The following MSI2 variants were observed in gnomAD, a reference collection of about 807,000 sequenced individuals.
MSI2 encodes musashi RNA binding protein 2.
MSI2 carries 17 observed loss-of-function variants against 45.6 expected under a neutral mutation model. The observed-to-expected ratio is 0.37, with a 90% confidence interval of 0.26 to 0.56. MSI2 has a LOEUF of 0.56. Among genes scored for constraint, MSI2 ranks in the 20% least tolerant of loss-of-function variants. The probability of loss-of-function intolerance (pLI) is 0.77; values close to 1 mark genes in which losing one functional copy is unlikely to be tolerated. For missense variants in MSI2, 293 were observed against 444.2 expected (o/e 0.66, Z 3.06); for synonymous variants, 156 against 158.2 (o/e 0.99, Z 0.11).
chr17:57,607,968 C>A (rs1295675790), intron 8 of MSI2, among the ~76,000 whole-genome samples: 1 of 152,202 alleles, frequency 6.6e-6, no homozygotes, highest in East Asian at 1.9e-4. Context: ...GAATCAGAGG[C>A]TTCCCACCAG....
chr17:57,558,205 G>A (rs191979025), intron 7 of MSI2, among the ~76,000 whole-genome samples: 22 of 152,236 alleles, frequency 1.4e-4, no homozygotes, highest in Admixed American at 6.5e-4. Context: ...CGTATTAGGC[G>A]CCTCTGTAAT....
chr17:57,305,535 C>T lies in MSI2; in HGVS notation c.312+43343C>T, dbSNP rs140228786. 4.1e-3 allele frequency among the ~76,000 whole-genome samples: 623 copies of T among 152,318 alleles called. 7 individuals are homozygous for T. Among genetic ancestry groups the T allele is most frequent in the African/African-American group, 0.014 (596 of 41,574 alleles). On this transcript the variant is annotated intron_variant, in intron 5 of 13. Coordinates refer to ENST00000284073, the MANE Select transcript of MSI2 (RefSeq NM_138962.4). ...ACTTGGGCAATGTAGTCAAAACACA[C>T]GCTGATCACTGTGTGTTACTGCTGA...
intron 5 of MSI2, among the ~76,000 whole-genome samples, chr17:57,369,049 A>G (rs2083382818): frequency 6.6e-6 from 1 of 152,132 alleles, no homozygotes; most frequent in African/African-American, 2.4e-5. Context: ...TCTCAGAGTC[A>G]TTTGGTGAGG....
At position 57,506,887 on chromosome 17, in the gene MSI2, G is replaced by C. The variant is rs375335645; in HGVS notation, c.406-22789G>C. ...ATTTCTGACAGCTAGGAAATGCCTGGAAATGGTGTGTATGTTGGGGTCAGG... is the reference window on the plus strand; with the variant it reads ...ATTTCTGACAGCTAGGAAATGCCTGCAAATGGTGTGTATGTTGGGGTCAGG... On this transcript the variant is annotated intron_variant, in intron 6 of 13. Coordinates refer to ENST00000284073, the MANE Select transcript of MSI2 (RefSeq NM_138962.4). Among the ~76,000 whole-genome samples, 66 of 152,260 alleles carry C rather than the reference G, an allele frequency of 4.3e-4. 1 individual carries two copies. The highest frequency in any genetic ancestry group is 1.5e-3 in the African/African-American group (64 of 41,546).
chr17:57,431,858 C>G (rs1434412880), intron 6 of MSI2, among the ~76,000 whole-genome samples: 1 of 152,178 alleles, frequency 6.6e-6, no homozygotes, highest in African/African-American at 2.4e-5. Context: ...TGCACTTGGG[C>G]AAGTCAGCCA....
At chr17:57,398,254 G>C (rs1367140833) in intron 5 of MSI2, among the ~76,000 whole-genome samples, 2 of 152,200 alleles carry the variant, frequency 1.3e-5, no homozygotes, top group Admixed American at 6.5e-5. Flanking sequence ...CAGGGCTGCT[G>C]TATACCCGCC....
intron 11 of MSI2, among the ~76,000 whole-genome samples, chr17:57,654,915 G>GTTTTT (rs11319236): frequency 7.4e-6 from 1 of 135,416 alleles, no homozygotes; most frequent in Non-Finnish European, 1.6e-5. Context: ...CAACGTTTGG[G>GTTTTT]TTTTTTTTTT....
At chr17:57,619,613 G>C (rs1339342389) in intron 9 of MSI2, among the ~76,000 whole-genome samples, 1 of 152,196 alleles carries the variant, frequency 6.6e-6, no homozygotes, top group Admixed American at 6.5e-5. Flanking sequence ...GTGGGAAGGT[G>C]GGGAGAGGCA....
In MSI2 at chr17:57,412,252, G is replaced by A. The variant is rs2084211765; in HGVS notation, c.405+10781G>A. Among the ~76,000 whole-genome samples the A allele has an allele frequency of 4.6e-5, 7 of 152,142 alleles. No homozygotes were observed. In the South Asian group the frequency reaches 1.5e-3, roughly 32 times the overall value. The stretch of plus-strand genomic sequence containing the variant: ...AGGGTTTCGCCATGTTAGCCAGGCT[G>A]GTCTCGGACTCCAGACCTCAAGTGA... On this transcript the variant is annotated intron_variant, in intron 6 of 13. Transcript: ENST00000284073.
At position 57,633,839 on chromosome 17, in the gene MSI2, G is replaced by T. The variant is rs868317344; in HGVS notation, c.727+6536G>T. 5.3e-5 allele frequency among the ~76,000 whole-genome samples: 8 copies of T among 152,196 alleles called. No individual in the cohort carries two copies. In the South Asian group the frequency reaches 6.2e-4, roughly 12 times the overall value. On this transcript the variant is annotated intron_variant, in intron 10 of 13. Coordinates refer to ENST00000284073, the MANE Select transcript of MSI2 (RefSeq NM_138962.4). The stretch of plus-strand genomic sequence containing the variant: ...AAATTGGAAGTTTTAGAAATAGTGG[G>T]CACTGATGTTCTTACTAAGTCAGCT...
intron 7 of MSI2, among the ~76,000 whole-genome samples, chr17:57,549,800 AT>A (rs2087260873): frequency 6.6e-6 from 1 of 152,182 alleles, no homozygotes. Context: ...GGGCTCCTGC[AT>A]TTGTACTCAG....
chr17:57,515,558 G>A (rs1163264437), intron 6 of MSI2, among the ~76,000 whole-genome samples: 2 of 152,098 alleles, frequency 1.3e-5, no homozygotes, highest in Admixed American at 6.6e-5. Context: ...TCAACAGTAC[G>A]CACTTATTGG....
intron 6 of MSI2, among the ~76,000 whole-genome samples, chr17:57,438,863 G>T (rs567842998): frequency 1.3e-5 from 2 of 151,010 alleles, no homozygotes; most frequent in South Asian, 2.1e-4. Flanking sequence ...GTGCAATGGC[G>T]CAGGTTGCTC....
At chr17:57,308,377 AT>A (rs1912097510) in intron 5 of MSI2, among the ~76,000 whole-genome samples, 1 of 152,172 alleles carries the variant, frequency 6.6e-6, no homozygotes. Context: ...AAGCTTTTTC[AT>A]GTGTATGTTT....
At chr17:57,475,093 C>T (rs1396900267) in intron 6 of MSI2, among the ~76,000 whole-genome samples, 1 of 152,204 alleles carries the variant, frequency 6.6e-6, no homozygotes, top group East Asian at 1.9e-4. Flanking sequence ...GTTGCCAACA[C>T]ATATTCAACA....
At chr17:57,433,860 GT>G (rs2084644728) in intron 6 of MSI2, among the ~76,000 whole-genome samples, 1 of 152,106 alleles carries the variant, frequency 6.6e-6, no homozygotes, top group Non-Finnish European at 1.5e-5. Flanking sequence ...CCTAACCAGT[GT>G]TTTTTGTATG....
At chr17:57,420,547 C>T (rs1302845953) in intron 6 of MSI2, among the ~76,000 whole-genome samples, 2 of 152,176 alleles carry the variant, frequency 1.3e-5, no homozygotes, top group African/African-American at 2.4e-5. Flanking sequence ...CCGAGGGAGT[C>T]GGCGCAGAGC....
At chr17:57,466,191 T>C (rs1457168537) in intron 6 of MSI2, among the ~76,000 whole-genome samples, 1 of 152,164 alleles carries the variant, frequency 6.6e-6, no homozygotes, top group African/African-American at 2.4e-5. Context: ...ACCCAACGTT[T>C]AGTGGCAATG....
intron 5 of MSI2, chr17:57,264,998 GTTC>G (rs1347257410): frequency 6.6e-6 from 1 of 152,220 alleles, no homozygotes; most frequent in African/African-American, 2.4e-5. Context: ...TTTTCAGATG[GTTC>G]TGGAGTTACT....
Sources: allele counts gnomAD v4.1 joint callset (sites outside exome capture counted in the v4.1 genomes callset), GRCh38; gene constraint gnomAD v4.1.1; transcripts MANE v1.5; gene names NCBI Gene and HGNC (gene_info 2026-07-23, HGNC 2026-07-21).